DLGAP4: variants seen among roughly 807,000 people sequenced by gnomAD.
DLGAP4 encodes DLG associated protein 4.
A neutral mutation model predicts 86.9 loss-of-function variants in DLGAP4; 18 were observed. The observed-to-expected ratio is 0.21, with a 90% CI of 0.14 to 0.31. The LOEUF is 0.31. Among genes scored for constraint, DLGAP4 ranks in the 10% least tolerant of loss-of-function variants. The pLI is 1.00. For synonymous variants in DLGAP4, 548 were observed against 574.3 expected (o/e 0.95, Z 0.65); for missense variants, 1,085 against 1,362.6 (o/e 0.80, Z 3.21).
intron 7 of DLGAP4, among the ~76,000 whole-genome samples, chr20:36,487,924 G>A (rs997404290): frequency 2.0e-5 from 3 of 152,242 alleles, no homozygotes; most frequent in African/African-American, 4.8e-5. Context: ...TTAGTGCGCC[G>A]GGCGTGGTGG....
chr20:36,367,596 G>C (rs944958235), intron 2 of DLGAP4, among the ~76,000 whole-genome samples: 2 of 152,174 alleles, frequency 1.3e-5, no homozygotes, highest in Non-Finnish European at 2.9e-5. Flanking sequence ...CAAGCAGGCG[G>C]GGACAGGTTG....
At chr20:36,316,602 A>T (rs2065102648) in intron 1 of DLGAP4, among the ~76,000 whole-genome samples, 1 of 152,130 alleles carries the variant, frequency 6.6e-6, no homozygotes, top group Non-Finnish European at 1.5e-5. Context: ...CCTGGCACAC[A>T]GCAGGGGCAC....
chr20:36,512,070 A>G (rs1475846194), intron 10 of DLGAP4, among the ~76,000 whole-genome samples: 6 of 97,920 alleles, frequency 6.1e-5, no homozygotes, highest in Non-Finnish European at 9.7e-5. Flanking sequence ...TTTTTTTTTG[A>G]GAGAGAGTCT....
intron 1 of DLGAP4, among the ~76,000 whole-genome samples, chr20:36,317,275 CTTA>C (rs2065114794): frequency 3.5e-4 from 3 of 8,482 alleles, no homozygotes; most frequent in South Asian, 6.4e-3. Context: ...TTCTTTCTTT[CTTA>C]TCTTTCTTTC....
chr20:36,434,622 C>G (rs1181918347), intron 3 of DLGAP4, among the ~76,000 whole-genome samples: 1 of 152,136 alleles, frequency 6.6e-6, no homozygotes, highest in Non-Finnish European at 1.5e-5. Context: ...AGGCCATGTT[C>G]CCAAGGGACA....
chr20:36,331,896 T>G (rs910525193), intron 1 of DLGAP4, among the ~76,000 whole-genome samples: 1 of 150,196 alleles, frequency 6.7e-6, no homozygotes, highest in Non-Finnish European at 1.5e-5. Flanking sequence ...GGATCTGGGA[T>G]CGGGTGGGGG....
At chr20:36,321,638 G>A (rs1460307706) in intron 1 of DLGAP4, among the ~76,000 whole-genome samples, 1 of 152,256 alleles carries the variant, frequency 6.6e-6, no homozygotes, top group Non-Finnish European at 1.5e-5. Flanking sequence ...TGTGAGCTGG[G>A]TGACCTTCTC....
chr20:36,411,627 A>C (rs1387860086), intron 2 of DLGAP4, among the ~76,000 whole-genome samples: 2 of 152,012 alleles, frequency 1.3e-5, no homozygotes, highest in African/African-American at 4.8e-5. Context: ...AATTGCTGGC[A>C]CCCATGGCCT....
intron 1 of DLGAP4, among the ~76,000 whole-genome samples, chr20:36,330,630 T>C (rs2065258024): frequency 6.6e-6 from 1 of 150,462 alleles, no homozygotes; most frequent in African/African-American, 2.5e-5. Context: ...TGGAGTGCAG[T>C]GGTGTGATCT....
At chr20:36,446,962 G>GT (rs759098003) in intron 7 of DLGAP4, 25 bp downstream of exon 7, 14 of 1,578,794 alleles carry the variant, frequency 8.9e-6, no homozygotes, top group East Asian at 2.3e-5. Context: ...GAGGGAAGGG[G>GT]TTTTTTTTCT....
At chr20:36,388,775 G>A (rs1183845821) in intron 2 of DLGAP4, among the ~76,000 whole-genome samples, 1 of 152,192 alleles carries the variant, frequency 6.6e-6, no homozygotes, top group African/African-American at 2.4e-5. Flanking sequence ...CAGGTGCCCA[G>A]GAAGTGATAG....
intron 2 of DLGAP4, among the ~76,000 whole-genome samples, chr20:36,415,988 G>A (rs2032642134): frequency 6.6e-6 from 1 of 152,204 alleles, no homozygotes. Flanking sequence ...GGAGTCCAGG[G>A]AAGAAGCTCA....
At chr20:36,512,884 A>G (rs1277141482) in intron 10 of DLGAP4, among the ~76,000 whole-genome samples, 5 of 131,098 alleles carry the variant, frequency 3.8e-5, no homozygotes, top group Non-Finnish European at 7.9e-5. Flanking sequence ...GGGATGGGAG[A>G]TGAAGTCAGA....
chr20:36,519,070 TCGTACCA>T (rs1863980706), intron 10 of DLGAP4, among the ~76,000 whole-genome samples: 1 of 150,450 alleles, frequency 6.6e-6, no homozygotes, highest in Admixed American at 6.6e-5. Context: ...CGAGCCGAGA[TCGTACCA>T]CTGCACACCA....
intron 10 of DLGAP4, among the ~76,000 whole-genome samples, chr20:36,511,761 G>C (rs1416458731): frequency 2.0e-5 from 3 of 151,168 alleles, no homozygotes; most frequent in Non-Finnish European, 4.4e-5. Context: ...TGTAATCTCG[G>C]CTACTTCTGA....
chr20:36,337,851 T>C (rs1555892209), intron 1 of DLGAP4, among the ~76,000 whole-genome samples: 1 of 152,186 alleles, frequency 6.6e-6, no homozygotes, highest in East Asian at 1.9e-4. Context: ...TCCTGATGGA[T>C]GTCAGCCTGC....
chr20:36,460,899 G>C (rs1316435729), intron 7 of DLGAP4, among the ~76,000 whole-genome samples: 1 of 152,242 alleles, frequency 6.6e-6, no homozygotes, highest in African/African-American at 2.4e-5. Flanking sequence ...TCCAGAGGCG[G>C]AGCCGGGATT....
intron 10 of DLGAP4, among the ~76,000 whole-genome samples, chr20:36,503,791 G>A (rs572469604): frequency 5.9e-5 from 9 of 152,270 alleles, no homozygotes; most frequent in South Asian, 2.1e-4. Flanking sequence ...CACTGCACCC[G>A]GCCCCATATT....
At chr20:36,408,210 A>G (rs1197196680) in intron 2 of DLGAP4, among the ~76,000 whole-genome samples, 1 of 151,696 alleles carries the variant, frequency 6.6e-6, no homozygotes, top group African/African-American at 2.4e-5. Flanking sequence ...TTGGGAGATA[A>G]TCCCCGGAAA....
Sources: gnomAD v4.1 joint callset for allele counts (sites outside exome capture counted in the v4.1 genomes callset) on GRCh38, gnomAD v4.1.1 for gene constraint, MANE v1.5 for transcripts, NCBI Gene and HGNC (gene_info 2026-07-23, HGNC 2026-07-21) for gene names.